PRKN: variants seen among roughly 807,000 people sequenced by gnomAD.
PRKN encodes E3 ubiquitin-protein ligase parkin.
A neutral mutation model predicts 59.5 loss-of-function variants in PRKN; 56 were observed. That is an observed-to-expected ratio of 0.94 (90% CI 0.76 to 1.18). The LOEUF is 1.18. PRKN is among the 50% of genes most tolerant of loss of function. The pLI, the probability that PRKN is intolerant of heterozygous loss-of-function variation, is 0.00. For synonymous variants in PRKN, 250 were observed against 222.1 expected, an observed-to-expected ratio of 1.13 and a Z score of -1.12; for missense variants, 657 against 596.4, an observed-to-expected ratio of 1.10 and a Z score of -1.06.
In PRKN at chr6:161,460,415, T is replaced by C. The variant is rs1218901528; in HGVS notation, c.1084-73538A>G. ...TCCATTTAGGATCTCTGGAATATAATGGGCTATACTTGGCATTGGAGTCAT... is the reference window on the plus strand; with the variant it reads ...TCCATTTAGGATCTCTGGAATATAACGGGCTATACTTGGCATTGGAGTCAT... On this transcript the variant is annotated intron_variant, in intron 9 of 11. Coordinates refer to ENST00000366898, the MANE Select transcript of PRKN (RefSeq NM_004562.3). This position sits in a 1 kb window ranked among gnomAD's most constrained non-coding sequence, Gnocchi z 5.0. 6.6e-6 allele frequency among the ~76,000 whole-genome samples: 1 copy of C among 152,114 alleles called. No homozygotes were observed. Among genetic ancestry groups the C allele is most frequent in the Non-Finnish European group, 1.5e-5 (1 of 68,028 alleles).
chr6:162,518,303 G>A lies in PRKN; in HGVS notation c.8-74830C>T, dbSNP rs116110135. 9.2e-3 allele frequency among the ~76,000 whole-genome samples: 1,396 copies of A among 152,174 alleles called. 17 individuals are homozygous for A. The highest frequency in any genetic ancestry group is 0.032 in the African/African-American group (1,315 of 41,510). The stretch of plus-strand genomic sequence containing the variant: ...TACACACACAGACATCCACACTTAT[G>A]TACACACAAATGCATACATTTACCT... On this transcript the variant is annotated intron_variant, in intron 1 of 11. Transcript: ENST00000366898.
At chr6:162,720,399 C>T (rs1778893463) in intron 1 of PRKN, among the ~76,000 whole-genome samples, 1 of 148,962 alleles carries the variant, frequency 6.7e-6, no homozygotes, top group South Asian at 2.2e-4. Context: ...AAGAAGCCAT[C>T]AATACTCTTA....
At chr6:161,686,771 C>A (rs1785573052) in intron 7 of PRKN, among the ~76,000 whole-genome samples, 2 of 152,142 alleles carry the variant, frequency 1.3e-5, no homozygotes, top group African/African-American at 4.8e-5. Flanking sequence ...ACACACTTAG[C>A]CCAGACTCCC....
At chr6:162,010,486 TAATA>T (rs1433609611) in intron 5 of PRKN, among the ~76,000 whole-genome samples, 3 of 64,088 alleles carry the variant, frequency 4.7e-5, no homozygotes, top group Non-Finnish European at 7.5e-5. Flanking sequence ...AATGTATTTA[TAATA>T]TATATTATAT....
intron 7 of PRKN, among the ~76,000 whole-genome samples, chr6:161,721,590 C>T (rs1787222718): frequency 6.6e-6 from 1 of 152,096 alleles, no homozygotes; most frequent in African/African-American, 2.4e-5. Context: ...GTTGTTTATG[C>T]AGTCCCATCA....
At chr6:162,246,114 T>A (rs1779181455) in intron 3 of PRKN, among the ~76,000 whole-genome samples, 1 of 151,966 alleles carries the variant, frequency 6.6e-6, no homozygotes, top group South Asian at 2.1e-4. Context: ...TGTGAAATGT[T>A]TCCCTGCTTG....
At chr6:162,446,832 A>G (rs547524095) in intron 1 of PRKN, among the ~76,000 whole-genome samples, 1 of 152,154 alleles carries the variant, frequency 6.6e-6, no homozygotes, top group South Asian at 2.1e-4. Flanking sequence ...CATCTGTACC[A>G]GCCCCTGAAC....
At chr6:161,899,661 C>T (rs1283537819) in intron 6 of PRKN, among the ~76,000 whole-genome samples, 15 of 152,162 alleles carry the variant, frequency 9.9e-5, no homozygotes, top group Admixed American at 5.9e-4. Flanking sequence ...TGCTTATCTT[C>T]GAATGGGTCA....
chr6:162,403,381 T>C (rs1562736940), intron 2 of PRKN, among the ~76,000 whole-genome samples: 1 of 152,154 alleles, frequency 6.6e-6, no homozygotes, highest in Non-Finnish European at 1.5e-5. Flanking sequence ...TGCCTTCTTG[T>C]CAAAGAGGTC....
At chr6:162,299,191 C>G (rs568966327) in intron 2 of PRKN, among the ~76,000 whole-genome samples, 1 of 152,184 alleles carries the variant, frequency 6.6e-6, no homozygotes, top group East Asian at 1.9e-4. Context: ...TCAGCCCCTT[C>G]GGGCAGACAG....
chr6:162,023,969 C>T (rs2128276857), intron 5 of PRKN, among the ~76,000 whole-genome samples: 1 of 151,846 alleles, frequency 6.6e-6, no homozygotes, highest in African/African-American at 2.4e-5. Context: ...ATTTCTTTGG[C>T]TATTTGGACT....
intron 1 of PRKN, among the ~76,000 whole-genome samples, chr6:162,620,100 T>C (rs1366834405): frequency 6.6e-6 from 1 of 152,090 alleles, no homozygotes; most frequent in Non-Finnish European, 1.5e-5. Context: ...CTATGGAAGA[T>C]AAAGAATTGA....
intron 1 of PRKN, among the ~76,000 whole-genome samples, chr6:162,689,947 T>C (rs1351174309): frequency 4.6e-5 from 7 of 152,172 alleles, no homozygotes; most frequent in Non-Finnish European, 1.5e-5. Flanking sequence ...TTCAGACCCA[T>C]AGCATAAATC....
intron 6 of PRKN, among the ~76,000 whole-genome samples, chr6:161,895,190 T>C (rs1777565373): frequency 1.3e-5 from 2 of 152,192 alleles, no homozygotes; most frequent in Non-Finnish European, 2.9e-5. Context: ...AACTCAAAAT[T>C]GAATTCCAAC....
intron 7 of PRKN, among the ~76,000 whole-genome samples, chr6:161,714,979 A>G (rs933940345): frequency 6.6e-6 from 1 of 152,172 alleles, no homozygotes; most frequent in African/African-American, 2.4e-5. Context: ...CCATATTTGA[A>G]CGGTATTCTT....
intron 6 of PRKN, among the ~76,000 whole-genome samples, chr6:161,881,970 C>T (rs1228482134): frequency 1.3e-5 from 2 of 152,118 alleles, no homozygotes; most frequent in Non-Finnish European, 2.9e-5. Flanking sequence ...CACTGCCCAT[C>T]CCCCCACCTG....
At chr6:162,484,551 G>A (rs911674401) in intron 1 of PRKN, among the ~76,000 whole-genome samples, 3 of 152,206 alleles carry the variant, frequency 2.0e-5, no homozygotes, top group African/African-American at 4.8e-5. Context: ...CTTAGCAGGT[G>A]TAAGAAGACA....
At chr6:161,626,163 A>G (rs1423536052) in intron 7 of PRKN, among the ~76,000 whole-genome samples, 2 of 152,178 alleles carry the variant, frequency 1.3e-5, no homozygotes, top group African/African-American at 4.8e-5. Context: ...AGGACAGGGC[A>G]GGCTCCAACT....
intron 9 of PRKN, among the ~76,000 whole-genome samples, chr6:161,404,020 C>A (rs1356882985): frequency 1.3e-5 from 2 of 152,126 alleles, no homozygotes; most frequent in Non-Finnish European, 2.9e-5. Context: ...CATGTAGCAA[C>A]AGAGATCATT....
Sources: gnomAD v4.1 joint callset for allele counts (sites outside exome capture counted in the v4.1 genomes callset) on GRCh38, gnomAD v4.1.1 for gene constraint, Gnocchi (gnomAD v3.1) non-coding constraint, MANE v1.5 for transcripts, NCBI Gene and HGNC (gene_info 2026-07-23, HGNC 2026-07-21) for gene names.